The following TRIM54 variants were observed in gnomAD, a reference collection of about 807,000 sequenced individuals.
The protein encoded by TRIM54 is tripartite motif-containing protein 54.
In TRIM54, 40 loss-of-function variants were observed where a neutral mutation model predicts 42.0. The observed-to-expected ratio is 0.95, with a 90% CI of 0.74 to 1.24. TRIM54 has a LOEUF of 1.24. Among genes scored for constraint, TRIM54 ranks in the 50% most tolerant of loss-of-function variants. The pLI is 0.00. For synonymous variants in TRIM54, 199 were observed against 194.9 expected (o/e 1.02, Z -0.17); for missense variants, 485 against 480.3 (o/e 1.01, Z -0.09).
rs763358151 is a variant in TRIM54, at chr2:27,298,571, C to G, written c.173C>G (p.Ser58Trp). 6.2e-7 allele frequency: 1 copy of G among 1,613,160 alleles called. No individual in the cohort carries two copies. The highest frequency in any genetic ancestry group is 1.3e-5 in the African/African-American group (1 of 75,016). The change falls in exon 2 of 9, where the codon TCG becomes TGG. Residue 58 changes from serine to tryptophan, a missense_variant. By Grantham distance (177) the Ser-to-Trp change is radical. Transcript: ENST00000380075. ...RKCANDVFQA[S>W]NPLWQSRGST... ...TCAAGCCATCTGTCCCTGCAGGCCT[C>G]GAATCCTCTATGGCAGTCCCGGGGC...
chr2:27,299,325 G>T lies in TRIM54; in HGVS notation c.422G>T (p.Cys141Phe). 6.2e-7 allele frequency: 1 copy of T among 1,614,174 alleles called. No homozygotes were observed. The highest frequency in any genetic ancestry group is 1.1e-5 in the South Asian group (1 of 91,086). Reference protein sequence around the residue: ...EEKINIYCLSCEVPTCSLCKV... With the variant: ...EEKINIYCLSFEVPTCSLCKV... ...AAGATCAATATTTACTGCCTGAGCT[G>T]TGAGGTGCCCACCTGCTCTCTCTGC... The change falls in exon 3 of 9, where the codon TGT (cysteine) becomes TTT (phenylalanine). Residue 141 changes from cysteine to phenylalanine, a missense_variant. By Grantham distance (205) the Cys-to-Phe change is radical. Coordinates refer to ENST00000380075, the MANE Select transcript of TRIM54 (RefSeq NM_187841.3).
Position 27,305,755 on chromosome 2 carries a change from T to C in TRIM54, c.781T>C (p.Ser261Pro). ...RQYGDHLEAS[S>P]KLVESAIQSM... is the part of the protein sequence containing the mutation. ...GTATGGCGACCACCTGGAGGCCTCC[T>C]CTAAGCTGGTGGAGTCTGCCATCCA... is the stretch of plus-strand genomic sequence containing the variant. Residue 261 changes from serine to proline, a missense_variant, in exon 5 of 9, where the codon TCT (serine) becomes CCT (proline). Physicochemically the swap from Ser to Pro is moderately conservative, Grantham distance 74. Coordinates refer to ENST00000380075, the MANE Select transcript of TRIM54 (RefSeq NM_187841.3). The C allele has an allele frequency of 6.2e-7, 1 of 1,611,664 alleles. No homozygotes were observed. Among genetic ancestry groups the C allele is most frequent in the African/African-American group, 1.3e-5 (1 of 74,980 alleles).
In TRIM54 at chr2:27,306,853, C is replaced by T; in HGVS notation, c.*2-34C>T. 2.2e-6 allele frequency: 1 copy of T among 452,826 alleles called. No individual in the cohort carries two copies. The highest frequency in any genetic ancestry group is 3.9e-6 in the Non-Finnish European group (1 of 253,586). 28.1% of individuals were successfully genotyped at this position (452,826 alleles called of 1,614,324 possible). Reference sequence around the variant, plus strand: ...CTCGAGCTGCCTCGTGCCTTCGCAGCACCCGCCCACCGAGCCTTCTTTCCC... The same window carrying T: ...CTCGAGCTGCCTCGTGCCTTCGCAGTACCCGCCCACCGAGCCTTCTTTCCC... On this transcript the variant is annotated intron_variant, in intron 8 of 8. Coordinates refer to ENST00000380075, the MANE Select transcript of TRIM54 (RefSeq NM_187841.3). The surrounding 1 kb of genome is among the most constrained non-coding windows in gnomAD (Gnocchi z 6.1).
At chr2:27,293,414 A>G (rs1678773480) in intron 1 of TRIM54, among the ~76,000 whole-genome samples, 1 of 151,998 alleles carries the variant, frequency 6.6e-6, no homozygotes, top group African/African-American at 2.4e-5. Context: ...GTCTTGGAGT[A>G]TTTTTCACGC....
Position 27,298,547 on chromosome 2 carries a change from C to T in TRIM54, c.169-20C>T, listed in dbSNP as rs1235465912. On this transcript the variant is annotated intron_variant, in intron 1 of 8. Transcript: ENST00000380075. ...TCATGCCTCCCCGTGCCTGTTCTCT[C>T]AAGCCATCTGTCCCTGCAGGCCTCG... 6.2e-7 allele frequency: 1 copy of T among 1,603,702 alleles called. No individual in the cohort carries two copies. Among genetic ancestry groups the T allele is most frequent in the African/African-American group, 1.3e-5 (1 of 74,850 alleles).
chr2:27,301,329 A>G (rs893819129), intron 3 of TRIM54, among the ~76,000 whole-genome samples: 1 of 151,974 alleles, frequency 6.6e-6, no homozygotes, highest in African/African-American at 2.4e-5. Context: ...TAATAGAGAC[A>G]GGGTTTCACC....
chr2:27,282,612 A>G lies in TRIM54; in HGVS notation c.-120A>G. 3 of 1,093,960 alleles carry G rather than the reference A, an allele frequency of 2.7e-6. No individual in the cohort carries two copies. The highest frequency in any genetic ancestry group is 3.9e-6 in the Non-Finnish European group (3 of 773,490). The allele number at this position is 1,093,960 out of a possible 1,614,324, so 67.8% of individuals were successfully genotyped here. A position where few individuals can be genotyped will look rare whatever the true frequency, so the allele number is the denominator to read the frequency against. Reference sequence around the variant, plus strand: ...TTGTTAAAGGGACAGGAGAGAAAGCAGAGCTATTTCAAGAGTGAGCCACAG... The same window carrying G: ...TTGTTAAAGGGACAGGAGAGAAAGCGGAGCTATTTCAAGAGTGAGCCACAG... On this transcript the variant is annotated 5_prime_UTR_variant, in exon 1 of 9. Coordinates refer to ENST00000380075, the MANE Select transcript of TRIM54 (RefSeq NM_187841.3).
intron 3 of TRIM54, among the ~76,000 whole-genome samples, chr2:27,303,658 A>G (rs913021316): frequency 2.6e-5 from 4 of 152,214 alleles, no homozygotes. Flanking sequence ...AATACTGCCT[A>G]GAGGAAAATA....
Position 27,299,361 on chromosome 2 carries a change from G to A in TRIM54, c.458G>A (p.Gly153Asp), listed in dbSNP as rs564895499. The change falls in exon 3 of 9, where the codon GGT becomes GAT. Residue 153 changes from glycine (G) to aspartate (D), a missense_variant. Gly to Asp is a moderately conservative substitution (Grantham distance 94). Transcript: ENST00000380075. ...VPTCSLCKVFGAHKDCEVAPL... is the reference protein window; with the variant it reads ...VPTCSLCKVFDAHKDCEVAPL... ...ACCTGCTCTCTCTGCAAGGTCTTCG[G>A]TGCCCACAAGGACTGTGAGGTGGCC... 145 of 1,614,048 alleles carry A rather than the reference G, an allele frequency of 9.0e-5. No individual in the cohort carries two copies. In the South Asian group the frequency reaches 1.4e-3, roughly 16 times the overall value.
At chr2:27,303,100 G>T (rs1040923341) in intron 3 of TRIM54, among the ~76,000 whole-genome samples, 1 of 152,114 alleles carries the variant, frequency 6.6e-6, no homozygotes, top group Non-Finnish European at 1.5e-5. Context: ...CAGTGGGGGT[G>T]GGGAGGGGCG....
At position 27,299,271 on chromosome 2, in the gene TRIM54, A is replaced by T; in HGVS notation, c.368A>T (p.His123Leu). The T allele has an allele frequency of 1.9e-6, 3 of 1,614,104 alleles. No individual in the cohort carries two copies. ...SRPLHSKAEQ[H>L]LMCEEHEEEK... ...CCGCTGCACTCCAAGGCTGAGCAGC[A>T]CCTCATGTGCGAGGAGCATGAAGAA... Residue 123 changes from histidine to leucine, a missense_variant, in exon 3 of 9, where the codon CAC (histidine) becomes CTC (leucine). His to Leu is a moderately conservative substitution (Grantham distance 99, BLOSUM62 -3). Transcript: ENST00000380075.
chr2:27,305,529 C>A, intron 4 of TRIM54, 55 bp from the exon 5 acceptor site: 1 of 1,473,458 alleles, frequency 6.8e-7, no homozygotes, highest in Non-Finnish European at 9.3e-7. Context: ...CCTGTGCTTT[C>A]CCAGCCACCG....
chr2:27,298,872 G>C, intron 2 of TRIM54, 133 bp downstream of exon 2: 6 of 1,009,730 alleles, frequency 5.9e-6, no homozygotes, highest in Non-Finnish European at 8.6e-6. Context: ...GACTGGATCC[G>C]GAGAGGGACT....
In TRIM54 at chr2:27,305,079, G is replaced by A. The variant is rs552538932; in HGVS notation, c.609+25G>A. The A allele has an allele frequency of 3.1e-6, 5 of 1,599,894 alleles. No homozygotes were observed. The African/African-American group carries it at 5.3e-5, about 17-fold the overall frequency. On this transcript the variant is annotated intron_variant, in intron 4 of 8. Coordinates refer to ENST00000380075, the MANE Select transcript of TRIM54 (RefSeq NM_187841.3). Reference sequence around the variant, plus strand: ...GGTGAGCCTGGGCTGGAGGGAGGGAGGAACAGCAACTGGCTAGCCTGCGGA... The same window carrying A: ...GGTGAGCCTGGGCTGGAGGGAGGGAAGAACAGCAACTGGCTAGCCTGCGGA...
chr2:27,300,585 T>A (rs867849214), intron 3 of TRIM54, among the ~76,000 whole-genome samples: 1 of 151,828 alleles, frequency 6.6e-6, no homozygotes, highest in Non-Finnish European at 1.5e-5. Context: ...GTAGTAGTAC[T>A]AATAATAATA....
At chr2:27,288,650 C>T (rs932379005) in intron 1 of TRIM54, among the ~76,000 whole-genome samples, 6 of 152,184 alleles carry the variant, frequency 3.9e-5, no homozygotes, top group African/African-American at 1.4e-4. Flanking sequence ...TGTGTTTGTG[C>T]AGTGCCTTAT....
intron 1 of TRIM54, among the ~76,000 whole-genome samples, chr2:27,291,232 A>G (rs755744715): frequency 2.6e-5 from 4 of 152,054 alleles, no homozygotes; most frequent in Non-Finnish European, 4.4e-5. Context: ...GTGAACGCCT[A>G]TAGTCCCAGC....
At chr2:27,305,411 G>A (rs1047982292) in intron 4 of TRIM54, 173 bp from the exon 5 acceptor site, 5 of 611,900 alleles carry the variant, frequency 8.2e-6, no homozygotes, top group Admixed American at 2.9e-5. Context: ...CTACTTTAAA[G>A]CATTGTGTTT....
chr2:27,288,762 CACAA>C (rs201984294), intron 1 of TRIM54, among the ~76,000 whole-genome samples: 7 of 152,176 alleles, frequency 4.6e-5, no homozygotes, highest in African/African-American at 7.2e-5. Flanking sequence ...GTCACAGTCA[CACAA>C]ACAAAGGGAC....
Sources: allele counts gnomAD v4.1 joint callset (sites outside exome capture counted in the v4.1 genomes callset), GRCh38; gene constraint gnomAD v4.1.1; non-coding constraint Gnocchi (gnomAD v3.1); transcripts MANE v1.5; gene names NCBI Gene and HGNC (gene_info 2026-07-23, HGNC 2026-07-21).